NRG3: variants seen among roughly 807,000 people sequenced by gnomAD.
NRG3 encodes the protein neuregulin 3, also known as pro-neuregulin-3, membrane-bound isoform.
In NRG3, 31 loss-of-function variants were observed where a neutral mutation model predicts 66.9. The observed-to-expected ratio is 0.46, with a 90% CI of 0.35 to 0.63. The LOEUF is 0.63. Among genes scored for constraint, NRG3 ranks in the 20% least tolerant of loss-of-function variants. The probability of loss-of-function intolerance (pLI) is 0.00; values close to 1 mark genes in which losing one functional copy is unlikely to be tolerated. For missense variants in NRG3, 910 were observed against 878.9 expected (o/e 1.04, Z -0.45); for synonymous variants, 393 against 359.4 (o/e 1.09, Z -1.06).
chr10:82,758,987 T>C (rs1053549240), intron 3 of NRG3, among the ~76,000 whole-genome samples: 49 of 152,054 alleles, frequency 3.2e-4, no homozygotes, highest in African/African-American at 1.2e-3. Context: ...TTGGATATGG[T>C]TTGTCCCTGC....
rs538439407 is a variant in NRG3, at chr10:82,754,541, A to C, written c.1027+15891A>C. On this transcript the variant is annotated intron_variant, in intron 3 of 8. Transcript: ENST00000372141. ...ATAACAGAGAAAGGGGGGAAAAGAAAAAAAAAAAAAGCAGATAAAGATTGC... is the reference window on the plus strand; with the variant it reads ...ATAACAGAGAAAGGGGGGAAAAGAACAAAAAAAAAAGCAGATAAAGATTGC... 6.9e-3 allele frequency among the ~76,000 whole-genome samples: 1,025 copies of C among 148,520 alleles called. 19 individuals are homozygous for C. The highest frequency in any genetic ancestry group is 0.025 in the African/African-American group (992 of 38,932).
At chr10:82,102,914 C>T (rs184508297) in intron 1 of NRG3, among the ~76,000 whole-genome samples, 1 of 152,090 alleles carries the variant, frequency 6.6e-6, no homozygotes, top group African/African-American at 2.4e-5. Flanking sequence ...CTATATTATT[C>T]GATATTTACC....
chr10:81,981,826 C>G (rs1478214679), intron 1 of NRG3, among the ~76,000 whole-genome samples: 4 of 152,136 alleles, frequency 2.6e-5, no homozygotes, highest in Non-Finnish European at 5.9e-5. Flanking sequence ...AATAGCCTTT[C>G]TTTATTTGGG....
At position 82,368,770 on chromosome 10, in the gene NRG3, A is replaced by G. The variant is rs1006704098; in HGVS notation, c.953+9902A>G. On this transcript the variant is annotated intron_variant, in intron 2 of 8. Coordinates refer to ENST00000372141, the MANE Select transcript of NRG3 (RefSeq NM_001010848.4). ...TTATTTCACCAAATTTATTTTAAAA[A>G]TTAAGAACATATCCATAAATATTAT... 2.9e-5 allele frequency among the ~76,000 whole-genome samples: 4 copies of G among 139,000 alleles called. 1 individual carries two copies. Among genetic ancestry groups the G allele is most frequent in the African/African-American group, 9.9e-5 (3 of 30,170 alleles). 91.2% of individuals were successfully genotyped at this position (139,000 alleles called of 152,430 possible).
rs564845247 is a variant in NRG3 at position 82,565,624 on chromosome 10, A to G, written c.954-172953A>G. On this transcript the variant is annotated intron_variant, in intron 2 of 8. Transcript: ENST00000372141. ...AGCTGATTTTTGTTTTTTGATCGGCACTACCACTCTCAGGCTTGGTTGATT... is the reference window on the plus strand; with the variant it reads ...AGCTGATTTTTGTTTTTTGATCGGCGCTACCACTCTCAGGCTTGGTTGATT... Among the ~76,000 whole-genome samples the G allele has an allele frequency of 2.0e-5, 3 of 152,172 alleles. No homozygotes were observed. In the East Asian group the frequency reaches 5.8e-4, roughly 30 times the overall value.
chr10:82,366,302 T>C (rs2084517361), intron 2 of NRG3, among the ~76,000 whole-genome samples: 1 of 152,196 alleles, frequency 6.6e-6, no homozygotes. Flanking sequence ...AGGAAAAGCA[T>C]ATTTCAAGAA....
At chr10:82,645,819 C>T (rs2050891231) in intron 2 of NRG3, among the ~76,000 whole-genome samples, 1 of 152,064 alleles carries the variant, frequency 6.6e-6, no homozygotes, top group South Asian at 2.1e-4. Flanking sequence ...TTCCAAATCC[C>T]TTTCTTCTAT....
chr10:82,599,581 G>A (rs556267111), intron 2 of NRG3, among the ~76,000 whole-genome samples: 85 of 152,278 alleles, frequency 5.6e-4, no homozygotes, highest in Non-Finnish European at 1.0e-3. Context: ...TTGGGAGACC[G>A]AGGCAAGTGT....
chr10:82,038,197 T>G (rs1412378309), intron 1 of NRG3, among the ~76,000 whole-genome samples: 1 of 152,186 alleles, frequency 6.6e-6, no homozygotes, highest in African/African-American at 2.4e-5. Flanking sequence ...CTGAATTACT[T>G]ACATTTGTAA....
At chr10:82,016,778 G>A (rs2061805320) in intron 1 of NRG3, among the ~76,000 whole-genome samples, 1 of 152,100 alleles carries the variant, frequency 6.6e-6, no homozygotes, top group South Asian at 2.1e-4. Context: ...CCATTGAATT[G>A]TTTACTGAAT....
At chr10:82,132,542 T>TATATCATATATATATATATGATATATATG (rs1388724448) in intron 1 of NRG3, among the ~76,000 whole-genome samples, 6 of 130,932 alleles carry the variant, frequency 4.6e-5, no homozygotes, top group African/African-American at 1.2e-4. Flanking sequence ...ATATGATATA[T>TATATCATATATATATATATGATATATATG]ATATATCTTT....
chr10:82,713,692 A>G (rs1225185295), intron 2 of NRG3, among the ~76,000 whole-genome samples: 1 of 152,242 alleles, frequency 6.6e-6, no homozygotes, highest in Non-Finnish European at 1.5e-5. Flanking sequence ...TGAAAGATTT[A>G]TTTAAGGACT....
intron 3 of NRG3, among the ~76,000 whole-genome samples, chr10:82,858,895 G>T (rs17100936): frequency 0.015 from 2,255 of 151,256 alleles, 68 homozygotes; most frequent in African/African-American, 0.051. Flanking sequence ...GGAATTGGGG[G>T]ATTCTTGCAG....
At chr10:82,351,811 C>A (rs1443737205) in intron 1 of NRG3, among the ~76,000 whole-genome samples, 1 of 152,232 alleles carries the variant, frequency 6.6e-6, no homozygotes, top group South Asian at 2.1e-4. Context: ...CACTCTGCAC[C>A]CACAAAAATG....
At chr10:81,956,604 A>G (rs1849857634) in intron 1 of NRG3, among the ~76,000 whole-genome samples, 1 of 152,138 alleles carries the variant, frequency 6.6e-6, no homozygotes, top group Non-Finnish European at 1.5e-5. Context: ...ACCACTTCTT[A>G]ACTGTCCACC....
chr10:81,980,383 A>C (rs1426569239), intron 1 of NRG3, among the ~76,000 whole-genome samples: 1 of 152,226 alleles, frequency 6.6e-6, no homozygotes, highest in South Asian at 2.1e-4. Context: ...GCCTTTCATC[A>C]CACATGGCTT....
At chr10:82,015,521 T>A (rs2061749623) in intron 1 of NRG3, among the ~76,000 whole-genome samples, 1 of 152,088 alleles carries the variant, frequency 6.6e-6, no homozygotes, top group Non-Finnish European at 1.5e-5. Flanking sequence ...GGTGGTTGAA[T>A]CATGGGGGTG....
At chr10:82,696,839 T>G (rs1033590694) in intron 2 of NRG3, among the ~76,000 whole-genome samples, 4 of 152,210 alleles carry the variant, frequency 2.6e-5, no homozygotes, top group African/African-American at 9.6e-5. Context: ...TCAAGTAAAA[T>G]GTATAGCACA....
intron 1 of NRG3, among the ~76,000 whole-genome samples, chr10:82,137,423 A>T (rs1388278810): frequency 1.3e-5 from 2 of 152,222 alleles, no homozygotes. Flanking sequence ...TCTTAAACAT[A>T]AATGGAAACA....
Sources: gnomAD v4.1 joint callset for allele counts (sites outside exome capture counted in the v4.1 genomes callset) on GRCh38, gnomAD v4.1.1 for gene constraint, MANE v1.5 for transcripts, NCBI Gene and HGNC (gene_info 2026-07-23, HGNC 2026-07-21) for gene names.